Variants in PKHD1L1 observed in about 807,000 individuals in gnomAD.
PKHD1L1 encodes the protein fibrocystin-L.
Under a neutral mutation model 462.9 loss-of-function variants are expected in PKHD1L1, and 434 were observed. The observed-to-expected ratio is 0.94, with a 90% confidence interval of 0.87 to 1.02. PKHD1L1 has a LOEUF of 1.02. Ranked by LOEUF, PKHD1L1 falls within the 50% of genes least tolerant of loss-of-function variation. The probability of loss-of-function intolerance (pLI) is 0.00; values close to 1 mark genes in which losing one functional copy is unlikely to be tolerated. For synonymous variants in PKHD1L1, 1,781 were observed against 1,750.0 expected, an observed-to-expected ratio of 1.02 and a Z score of -0.44; for missense variants, 5,202 against 5,096.1, an observed-to-expected ratio of 1.02 and a Z score of -0.63.
chr8:109,419,588 GATCT>G (rs2130641057), intron 22 of PKHD1L1, among the ~76,000 whole-genome samples: 1 of 152,174 alleles, frequency 6.6e-6, no homozygotes, highest in South Asian at 2.1e-4. Context: ...CCATGAGAGA[GATCT>G]ATTCCCAAAA....
intron 49 of PKHD1L1, among the ~76,000 whole-genome samples, chr8:109,465,749 T>C (rs1817407676): frequency 6.6e-6 from 1 of 152,202 alleles, no homozygotes; most frequent in African/African-American, 2.4e-5. Flanking sequence ...AAACCAGCTG[T>C]GAACCCTTTT....
In PKHD1L1 at chr8:109,448,271, G is replaced by A. The variant is rs768286730; in HGVS notation, c.5905G>A (p.Val1969Met). 1.5e-5 allele frequency: 25 copies of A among 1,613,488 alleles called. No individual in the cohort carries two copies. The highest frequency in any genetic ancestry group is 6.7e-5 in the African/African-American group (5 of 74,862). ...CAATGATAGTGTGGTGCAGTGCATCGTGGGAGATCATGCTGGGGGCACATT... is the reference window on the plus strand; with the variant it reads ...CAATGATAGTGTGGTGCAGTGCATCATGGGAGATCATGCTGGGGGCACATT... ...MANDSVVQCI[V>M]GDHAGGTFPV... The change falls in exon 39 of 78, where the codon GTG (valine) becomes ATG (methionine). Residue 1969 changes from valine (V) to methionine (M), a missense_variant. This residue lies in a region of PKHD1L1 where 4,497 missense variants were observed against 4,336.8 expected (regional missense o/e 1.04). Transcript: ENST00000378402.
intron 16 of PKHD1L1, 143 bp from the exon 17 acceptor site, chr8:109,406,186 AAAATAC>A (rs1813525352): frequency 1.5e-6 from 1 of 655,720 alleles, no homozygotes; most frequent in African/African-American, 1.9e-5. Flanking sequence ...AATCAGTTTC[AAAATAC>A]AATTTCTCTA....
intron 2 of PKHD1L1, among the ~76,000 whole-genome samples, chr8:109,379,699 T>C (rs771771646): frequency 1.3e-4 from 20 of 152,200 alleles, no homozygotes; most frequent in Non-Finnish European, 2.6e-4. Flanking sequence ...AACCTTACAT[T>C]CTGCTGGATT....
chr8:109,507,406 T>A (rs1470892013), intron 68 of PKHD1L1, among the ~76,000 whole-genome samples: 1 of 152,150 alleles, frequency 6.6e-6, no homozygotes, highest in East Asian at 1.9e-4. Context: ...AAAGTGGAAT[T>A]CTGATTTTAT....
At chr8:109,446,262 C>G (rs1479417585) in intron 38 of PKHD1L1, among the ~76,000 whole-genome samples, 1 of 152,166 alleles carries the variant, frequency 6.6e-6, no homozygotes, top group Non-Finnish European at 1.5e-5. Flanking sequence ...ATGCTTCGAG[C>G]TATTAGAATA....
chr8:109,469,338 CTGTA>C (rs1241854330), intron 50 of PKHD1L1, among the ~76,000 whole-genome samples: 1 of 152,078 alleles, frequency 6.6e-6, no homozygotes, highest in Non-Finnish European at 1.5e-5. Flanking sequence ...AGAGACAGAG[CTGTA>C]TGAAGAAGGC....
intron 38 of PKHD1L1, among the ~76,000 whole-genome samples, chr8:109,446,390 A>G (rs375854829): frequency 4.7e-4 from 72 of 152,304 alleles, no homozygotes; most frequent in African/African-American, 1.7e-3. Flanking sequence ...AGTTTTTTAA[A>G]ACATCAATTT....
intron 19 of PKHD1L1, 98 bp downstream of exon 19, chr8:109,410,076 T>A: frequency 5.9e-6 from 4 of 675,774 alleles, no homozygotes; most frequent in Non-Finnish European, 9.2e-6. Context: ...ATTAATAACT[T>A]TGTTATTCAC....
chr8:109,512,233 C>A (rs928284570), intron 71 of PKHD1L1, among the ~76,000 whole-genome samples: 37 of 151,978 alleles, frequency 2.4e-4, no homozygotes, highest in Non-Finnish European at 8.8e-5. Context: ...GCTTTTGTTG[C>A]CATTGCTTTT....
chr8:109,380,041 G>T (rs1812030933), intron 2 of PKHD1L1, among the ~76,000 whole-genome samples: 1 of 152,176 alleles, frequency 6.6e-6, no homozygotes. Context: ...GAACATTAGT[G>T]TCACCCTATT....
At chr8:109,454,894 TC>T in intron 45 of PKHD1L1, 42 bp downstream of exon 45, 1 of 1,575,202 alleles carries the variant, frequency 6.3e-7, no homozygotes, top group Non-Finnish European at 8.6e-7. Context: ...AGAGGAAGAC[TC>T]ACCAGGACAC....
chr8:109,452,754 T>G lies in PKHD1L1; in HGVS notation c.6544T>G (p.Ser2182Ala), dbSNP rs1816605126. 1 of 1,543,286 alleles carries G rather than the reference T, an allele frequency of 6.5e-7. No homozygotes were observed. The highest frequency in any genetic ancestry group is 8.7e-7 in the Non-Finnish European group (1 of 1,146,084). ...ADFLYVDAWS[S>A]NFSWGGKSPP... is the part of the protein sequence containing the mutation. ...CTTTCTTTATGTTGATGCCTGGTCC[T>G]CCAATTTCTCATGGGGGGGAAAATC... The change falls in exon 43 of 78, where the codon TCC becomes GCC. Residue 2182 changes from serine to alanine, a missense_variant. By Grantham distance (99) the Ser-to-Ala change is moderately conservative. Coordinates refer to ENST00000378402, the MANE Select transcript of PKHD1L1 (RefSeq NM_177531.6).
chr8:109,532,704 T>G lies in PKHD1L1; in HGVS notation c.*2614T>G, dbSNP rs79186929. On this transcript the variant is annotated 3_prime_UTR_variant, in exon 78 of 78. Transcript: ENST00000378402. ...TAAGAATAGCTTCTTGTATTTCTCA[T>G]AGTAAGTGAAATGTTTATATCTTGT... 2.0e-5 allele frequency among the ~76,000 whole-genome samples: 3 copies of G among 152,186 alleles called. No individual in the cohort carries two copies. The highest frequency in any genetic ancestry group is 7.2e-5 in the African/African-American group (3 of 41,428).
At position 109,499,104 on chromosome 8, in the gene PKHD1L1, A is replaced by G. The variant is rs559517030; in HGVS notation, c.10828+333A>G. ...TATTATCATCCCTTTTTAAAATTGAAGAACCTTAAGCTCAAAGAACTTAGT... is the reference window on the plus strand; with the variant it reads ...TATTATCATCCCTTTTTAAAATTGAGGAACCTTAAGCTCAAAGAACTTAGT... On this transcript the variant is annotated intron_variant, in intron 67 of 77. Transcript: ENST00000378402. 3 of 208,312 alleles carry G rather than the reference A, an allele frequency of 1.4e-5. No homozygotes were observed. In the South Asian group the frequency reaches 2.7e-4, roughly 19 times the overall value. 12.9% of individuals were successfully genotyped at this position (208,312 alleles called of 1,614,324 possible).
In PKHD1L1 at chr8:109,448,369, T is replaced by G; in HGVS notation, c.6003T>G (p.Ile2001Met). ...TTGTATTTGAGTACCCGCTTAATATTCAAAATATTAATCCAAGCCAAGGTA... is the reference window on the plus strand; with the variant it reads ...TTGTATTTGAGTACCCGCTTAATATGCAAAATATTAATCCAAGCCAAGGTA... ...STVVFEYPLN[I>M]QNINPSQGSF... Residue 2001 changes from isoleucine to methionine, a missense_variant, in exon 39 of 78, where the codon ATT becomes ATG. Coordinates refer to ENST00000378402, the MANE Select transcript of PKHD1L1 (RefSeq NM_177531.6). 4 of 1,612,726 alleles carry G rather than the reference T, an allele frequency of 2.5e-6. No individual in the cohort carries two copies. Among genetic ancestry groups the G allele is most frequent in the Non-Finnish European group, 3.4e-6 (4 of 1,179,164 alleles).
chr8:109,420,828 GA>G (rs1814425099), intron 23 of PKHD1L1, 138 bp downstream of exon 23: 1 of 648,260 alleles, frequency 1.5e-6, no homozygotes, highest in Non-Finnish European at 2.3e-6. Flanking sequence ...TTTGGAGTAT[GA>G]AAATTGACTT....
chr8:109,416,660 AT>A (rs1487504671), intron 21 of PKHD1L1, among the ~76,000 whole-genome samples: 2 of 152,188 alleles, frequency 1.3e-5, no homozygotes, highest in Admixed American at 1.3e-4. Context: ...CCACAGAGGA[AT>A]TATTGACTCA....
intron 67 of PKHD1L1, chr8:109,499,120 A>G (rs1819273392): frequency 1.0e-5 from 2 of 191,604 alleles, no homozygotes; most frequent in South Asian, 2.1e-4. Flanking sequence ...TTAAGCTCAA[A>G]GAACTTAGTG....
Sources: gnomAD v4.1 joint callset for allele counts (sites outside exome capture counted in the v4.1 genomes callset) on GRCh38, gnomAD v4.1.1 for gene constraint, gnomAD v4.1.1 regional missense constraint, MANE v1.5 for transcripts, NCBI Gene and HGNC (gene_info 2026-07-23, HGNC 2026-07-21) for gene names.